The following NECTIN3 variants were observed in gnomAD, a reference collection of about 807,000 sequenced individuals.
NECTIN3 encodes the protein nectin cell adhesion molecule 3.
In NECTIN3, 8 loss-of-function variants were observed where a neutral mutation model predicts 49.4. The ratio of observed to expected loss-of-function variants is 0.16; its 90% CI spans 0.10 to 0.29. The LOEUF is 0.29. NECTIN3 is among the 10% of genes least tolerant of loss of function. The pLI, the probability that NECTIN3 is intolerant of heterozygous loss-of-function variation, is 1.00. For synonymous variants in NECTIN3, 277 were observed against 241.1 expected, an observed-to-expected ratio of 1.15 and a Z score of -1.38; for missense variants, 581 against 654.6, an observed-to-expected ratio of 0.89 and a Z score of 1.23.
chr3:111,074,210 C>T (rs569405853), intron 1 of NECTIN3: 5 of 456,206 alleles, frequency 1.1e-5, no homozygotes, highest in African/African-American at 4.0e-5. Context: ...GATGTTGTGA[C>T]TTATGGAAGC....
Position 111,134,330 on chromosome 3 carries a change from G to C in NECTIN3, c.*115G>C. The C allele has an allele frequency of 6.9e-7, 1 of 1,440,560 alleles. No homozygotes were observed. The highest frequency in any genetic ancestry group is 9.1e-7 in the Non-Finnish European group (1 of 1,100,368). The allele number at this position is 1,440,560 out of a possible 1,614,324, so 89.2% of individuals were successfully genotyped here. ...TAAGCTTTTTCAAGTTGATTTTCAA[G>C]CTTACTTTTTATATTCTAATCTGAC... On this transcript the variant is annotated 3_prime_UTR_variant, in exon 6 of 6. Coordinates refer to ENST00000485303, the MANE Select transcript of NECTIN3 (RefSeq NM_015480.3).
chr3:111,171,060 ATTG>A (rs2035425058), intron 7 of NECTIN3, among the ~76,000 whole-genome samples: 1 of 152,178 alleles, frequency 6.6e-6, no homozygotes, highest in Non-Finnish European at 1.5e-5. Flanking sequence ...AATGTGTGGC[ATTG>A]TTGTAAGTTC....
upstream of NECTIN3, among the ~76,000 whole-genome samples, chr3:111,188,018 T>C (rs1026193355): frequency 5.3e-5 from 8 of 152,118 alleles, no homozygotes; most frequent in Admixed American, 4.6e-4. Flanking sequence ...GTTGTGGAGG[T>C]TGTGGCATGG....
chr3:111,149,805 G>A lies in NECTIN3; in HGVS notation c.1221+2321G>A, dbSNP rs926204431. On this transcript the variant is annotated intron_variant, in intron 7 of 8. Coordinates refer to the NECTIN3 transcript ENST00000493615. The stretch of plus-strand genomic sequence containing the variant: ...CCTTGCATATTGTGATTTTTCAGGG[G>A]AATACATGTGAGGGGCTTCCTTATG... Among the ~76,000 whole-genome samples, 2 of 151,504 alleles carry A rather than the reference G, an allele frequency of 1.3e-5. 1 individual carries two copies. Among genetic ancestry groups the A allele is most frequent in the South Asian group, 4.2e-4 (2 of 4,810 alleles).
At chr3:111,080,043 A>G (rs1015301750) in intron 1 of NECTIN3, among the ~76,000 whole-genome samples, 1 of 152,124 alleles carries the variant, frequency 6.6e-6, no homozygotes, top group Non-Finnish European at 1.5e-5. Flanking sequence ...AAACTGGTAT[A>G]GACCCTACAG....
chr3:111,142,951 G>A (rs909116640), intron 5 of NECTIN3, among the ~76,000 whole-genome samples: 2 of 151,870 alleles, frequency 1.3e-5, no homozygotes, highest in East Asian at 1.9e-4. Flanking sequence ...AGTAAATAAC[G>A]TACTTGACAA....
chr3:111,185,763 G>A (rs898211058), intron 7 of NECTIN3, among the ~76,000 whole-genome samples: 1 of 152,154 alleles, frequency 6.6e-6, no homozygotes, highest in African/African-American at 2.4e-5. Context: ...AGGGTTGAAT[G>A]AAAAATAATT....
rs1304881909 is a variant in NECTIN3, at chr3:111,133,989, A to G, written c.1424A>G (p.Lys475Arg). The G allele has an allele frequency of 6.2e-7, 1 of 1,613,238 alleles. No individual in the cohort carries two copies. Among genetic ancestry groups the G allele is most frequent in the Admixed American group, 1.7e-5 (1 of 59,788 alleles). The change falls in exon 6 of 6, where the codon AAA (lysine) becomes AGA (arginine). Residue 475 changes from lysine (K) to arginine (R), a missense_variant. By Grantham distance (26) the Lys-to-Arg change is conservative. This residue lies in a region of NECTIN3 where 238 missense variants were observed against 244.9 expected (regional missense o/e 0.97). Transcript: ENST00000485303. ...SYPDSVKKEN[K>R]NPVNNLIRKD... ...CCAGACAGTGTAAAAAAAGAAAACAAAAATCCAGTGAACAATCTAATACGT... is the reference window on the plus strand; with the variant it reads ...CCAGACAGTGTAAAAAAAGAAAACAGAAATCCAGTGAACAATCTAATACGT...
chr3:111,167,767 G>A (rs2035348490), intron 7 of NECTIN3, among the ~76,000 whole-genome samples: 1 of 152,044 alleles, frequency 6.6e-6, no homozygotes, highest in Admixed American at 6.5e-5. Context: ...TCTGCTCCAG[G>A]GTGAGCAGAG....
chr3:111,152,873 CT>C (rs1185605143), intron 7 of NECTIN3, among the ~76,000 whole-genome samples: 1 of 151,900 alleles, frequency 6.6e-6, no homozygotes, highest in Admixed American at 6.6e-5. Context: ...ATCATTATAT[CT>C]TTTTAAAAGT....
intron 1 of NECTIN3, chr3:111,072,843 G>A: frequency 2.8e-6 from 1 of 358,204 alleles, no homozygotes; most frequent in Non-Finnish European, 5.1e-6. Flanking sequence ...CAAGATTTAC[G>A]TGTTAAATAC....
chr3:111,150,753 G>A (rs1377389311), intron 7 of NECTIN3, among the ~76,000 whole-genome samples: 12 of 151,058 alleles, frequency 7.9e-5, no homozygotes, highest in East Asian at 1.9e-4. Flanking sequence ...AACATATTAC[G>A]GTAGACTGAA....
Position 111,071,983 on chromosome 3 carries a change from G to GCCGGGGGA in NECTIN3, c.-34_-33insCGGGGGAC. The GCCGGGGGA allele has an allele frequency of 7.4e-7, 1 of 1,355,760 alleles. No homozygotes were observed. Among genetic ancestry groups the GCCGGGGGA allele is most frequent in the Non-Finnish European group, 9.7e-7 (1 of 1,031,636 alleles). 84.0% of individuals were successfully genotyped at this position (1,355,760 alleles called of 1,614,324 possible). On this transcript the variant is annotated 5_prime_UTR_variant, in exon 1 of 6. Coordinates refer to ENST00000485303, the MANE Select transcript of NECTIN3 (RefSeq NM_015480.3). ...GCGCCGGGGCCGGGGGAGCCGGGGGGCGGGCGGGCGAGCGGGCCGGGGGGA... is the reference window on the plus strand; with the variant it reads ...GCGCCGGGGCCGGGGGAGCCGGGGGGCCGGGGGACGGGCGGGCGAGCGGGCCGGGGGGA...
intron 7 of NECTIN3, among the ~76,000 whole-genome samples, chr3:111,168,463 CAT>C (rs5851756): frequency 0.27 from 41,245 of 151,498 alleles, 11,172 homozygotes; most frequent in African/African-American, 0.7. Context: ...TATGTGTGTG[CAT>C]ATATATATAT....
chr3:111,183,180 A>G (rs114401197), intron 7 of NECTIN3, among the ~76,000 whole-genome samples: 157 of 152,090 alleles, frequency 1.0e-3, no homozygotes, highest in African/African-American at 3.6e-3. Context: ...TTAAACCATA[A>G]TGTATCTTTT....
Position 111,135,382 on chromosome 3 carries a change from A to T in NECTIN3, c.*1167A>T. ...TTTTACGATTAAAACTGGAAACATG[A>T]GGTTTTTTGTTTTTGTTTTTTTACA... On this transcript the variant is annotated 3_prime_UTR_variant, in exon 6 of 6. Transcript: ENST00000485303. The T allele has an allele frequency of 1.1e-6, 1 of 933,322 alleles. No homozygotes were observed. The highest frequency in any genetic ancestry group is 1.3e-6 in the Non-Finnish European group (1 of 782,916). The allele number at this position is 933,322 out of a possible 1,614,324, so 57.8% of individuals were successfully genotyped here. A position where few individuals can be genotyped will look rare whatever the true frequency, so the allele number is the denominator to read the frequency against.
chr3:111,175,544 A>G (rs181382234), intron 7 of NECTIN3, among the ~76,000 whole-genome samples: 1 of 152,214 alleles, frequency 6.6e-6, no homozygotes, highest in East Asian at 1.9e-4. Flanking sequence ...GGGCCCATAC[A>G]TTCTTTCACA....
intron 7 of NECTIN3, among the ~76,000 whole-genome samples, chr3:111,159,955 T>C (rs2035176492): frequency 6.6e-6 from 1 of 152,244 alleles, no homozygotes; most frequent in Non-Finnish European, 1.5e-5. Flanking sequence ...GCCTTTCAAA[T>C]ATTTAAAGTT....
At chr3:111,100,227 G>A (rs753081984) in intron 1 of NECTIN3, among the ~76,000 whole-genome samples, 7 of 152,002 alleles carry the variant, frequency 4.6e-5, no homozygotes, top group East Asian at 1.9e-4. Context: ...TACCTGGACC[G>A]TTATAGAAGG....
Sources: allele counts gnomAD v4.1 joint callset (sites outside exome capture counted in the v4.1 genomes callset), GRCh38; gene constraint gnomAD v4.1.1; regional missense constraint gnomAD v4.1.1; transcripts MANE v1.5; gene names NCBI Gene and HGNC (gene_info 2026-07-23, HGNC 2026-07-21).